Variants in LGSN observed in about 807,000 individuals in gnomAD.
LGSN encodes the protein lengsin, lens protein with glutamine synthetase domain, also known as lengsin.
Under a neutral mutation model 19.5 loss-of-function variants are expected in LGSN, and 21 were observed. The ratio of observed to expected loss-of-function variants is 1.07; its 90% CI spans 0.76 to 1.55. The LOEUF is 1.55. Among genes scored for constraint, LGSN ranks in the 40% most tolerant of loss-of-function variants. The pLI is 0.00. For missense variants in LGSN, 673 were observed against 608.5 expected, an observed-to-expected ratio of 1.11 and a Z score of -1.12; for synonymous variants, 257 against 215.6, an observed-to-expected ratio of 1.19 and a Z score of -1.68.
the LGSN span, among the ~76,000 whole-genome samples, chr6:63,361,068 TG>T: frequency 4.6e-5 from 7 of 152,292 alleles, no homozygotes; most frequent in East Asian, 1.2e-3. Context: ...CCTCCCCTAC[TG>T]GGGGGTGCCT....
intron 2 of LGSN, among the ~76,000 whole-genome samples, chr6:63,288,637 C>A (rs796344886): frequency 5.8e-4 from 88 of 152,272 alleles, no homozygotes; most frequent in African/African-American, 2.1e-3. Context: ...CCCAGACAGG[C>A]GGCTTACACA....
the LGSN span, among the ~76,000 whole-genome samples, chr6:63,539,915 T>A: frequency 6.6e-6 from 1 of 152,210 alleles, no homozygotes; most frequent in Non-Finnish European, 1.5e-5. Flanking sequence ...ACCCTTTAGA[T>A]CCATTAATGG....
At chr6:63,325,094 A>G in the LGSN span, among the ~76,000 whole-genome samples, 6 of 140,662 alleles carry the variant, frequency 4.3e-5, no homozygotes, top group African/African-American at 1.6e-4. Flanking sequence ...ACTGAGTGAA[A>G]CTCTGTCTCA....
At chr6:63,305,726 CTCAA>C (rs1768357019) in intron 1 of LGSN, among the ~76,000 whole-genome samples, 1 of 152,142 alleles carries the variant, frequency 6.6e-6, no homozygotes, top group Non-Finnish European at 1.5e-5. Context: ...TCATTCTTTG[CTCAA>C]TCAAACTCTG....
At chr6:63,446,532 C>A in the LGSN span, among the ~76,000 whole-genome samples, 1 of 152,156 alleles carries the variant, frequency 6.6e-6, no homozygotes, top group Admixed American at 6.5e-5. Flanking sequence ...ACTAAGGTAA[C>A]CTCTTCAGTA....
chr6:63,309,451 T>G (rs77886607), intron 1 of LGSN, among the ~76,000 whole-genome samples: 5,495 of 152,152 alleles, frequency 0.036, 338 homozygotes, highest in African/African-American at 0.13. Context: ...AAAATAAAGC[T>G]CTTCCATTTT....
At chr6:63,406,049 GAGACTT>G in the LGSN span, among the ~76,000 whole-genome samples, 19 of 152,144 alleles carry the variant, frequency 1.2e-4, no homozygotes, top group Non-Finnish European at 2.2e-4. Context: ...GACCTACAAA[GAGACTT>G]AGACTCCCAC....
At chr6:63,490,577 A>T in the LGSN span, among the ~76,000 whole-genome samples, 2 of 151,574 alleles carry the variant, frequency 1.3e-5, no homozygotes, top group South Asian at 2.1e-4. Context: ...TTTTTTATTT[A>T]TTATTATTAT....
chr6:63,549,250 G>C, the LGSN span: 1 of 746,006 alleles, frequency 1.3e-6, no homozygotes, highest in Middle Eastern at 3.2e-4. Context: ...TGGTGGTCCA[G>C]GGCCTGGGTG....
the LGSN span, among the ~76,000 whole-genome samples, chr6:63,569,555 T>A: frequency 2.0e-5 from 3 of 152,270 alleles, no homozygotes; most frequent in African/African-American, 7.2e-5. Flanking sequence ...TGAGCCTGTA[T>A]GCCACCATGC....
At chr6:63,545,314 G>C in the LGSN span, among the ~76,000 whole-genome samples, 6 of 152,194 alleles carry the variant, frequency 3.9e-5, no homozygotes, top group South Asian at 4.1e-4. Flanking sequence ...ATCTCTGGGC[G>C]TGGAAATTTC....
chr6:63,361,520 G>T, the LGSN span, among the ~76,000 whole-genome samples: 1 of 152,156 alleles, frequency 6.6e-6, no homozygotes, highest in African/African-American at 2.4e-5. Context: ...CAGTATTAGG[G>T]TGGAAGTGAC....
At chr6:63,356,695 A>G in the LGSN span, among the ~76,000 whole-genome samples, 1 of 152,188 alleles carries the variant, frequency 6.6e-6, no homozygotes, top group Non-Finnish European at 1.5e-5. Context: ...GAATTGTGCC[A>G]TGCATATACC....
the LGSN span, among the ~76,000 whole-genome samples, chr6:63,368,852 A>G: frequency 6.6e-6 from 1 of 152,222 alleles, no homozygotes; most frequent in African/African-American, 2.4e-5. Flanking sequence ...TGGATATTTA[A>G]ACACATACCC....
the LGSN span, among the ~76,000 whole-genome samples, chr6:63,337,750 G>A: frequency 1.5e-4 from 23 of 152,112 alleles, no homozygotes; most frequent in African/African-American, 5.3e-4. Flanking sequence ...CCTGCAGTGA[G>A]CCATGGTTGC....
At chr6:63,556,776 C>T in the LGSN span, among the ~76,000 whole-genome samples, 17 of 152,228 alleles carry the variant, frequency 1.1e-4, no homozygotes, top group Admixed American at 3.9e-4. Flanking sequence ...TAAACAGTAA[C>T]GTAAAAGTGA....
At chr6:63,321,461 C>A (rs1475489817), upstream of LGSN, among the ~76,000 whole-genome samples, 1 of 152,070 alleles carries the variant, frequency 6.6e-6, no homozygotes, top group Non-Finnish European at 1.5e-5. Flanking sequence ...CCCAAATTTT[C>A]TCCTGGGAGT....
At chr6:63,454,807 T>TC in the LGSN span, among the ~76,000 whole-genome samples, 1 of 140,756 alleles carries the variant, frequency 7.1e-6, no homozygotes, top group Admixed American at 7.2e-5. Flanking sequence ...TTTTTTTTTT[T>TC]TTTTTGAGAC....
chr6:63,330,898 C>T, the LGSN span, among the ~76,000 whole-genome samples: 10 of 152,290 alleles, frequency 6.6e-5, no homozygotes, highest in East Asian at 1.9e-4. Flanking sequence ...TCCCTCCAAG[C>T]GAGGTCAAAG....
Sources: gnomAD v4.1 joint callset for allele counts (sites outside exome capture counted in the v4.1 genomes callset) on GRCh38, gnomAD v4.1.1 for gene constraint, MANE v1.5 for transcripts, NCBI Gene and HGNC (gene_info 2026-07-23, HGNC 2026-07-21) for gene names.